Variants in GRAMD1B observed in about 807,000 individuals in gnomAD.
The protein encoded by GRAMD1B is GRAM domain containing 1B, also known as protein Aster-B.
GRAMD1B carries 37 observed loss-of-function variants against 99.7 expected under a neutral mutation model. The observed-to-expected ratio is 0.37, with a 90% CI of 0.29 to 0.49. The LOEUF is 0.49. Among genes scored for constraint, GRAMD1B ranks in the 20% least tolerant of loss-of-function variants. The pLI is 0.98. For missense variants in GRAMD1B, 888 were observed against 1,009.2 expected, an observed-to-expected ratio of 0.88 and a Z score of 1.63; for synonymous variants, 427 against 387.6, an observed-to-expected ratio of 1.10 and a Z score of -1.19.
chr11:123,424,265 A>AG (rs1300138571), intron 1 of GRAMD1B, among the ~76,000 whole-genome samples: 93 of 151,766 alleles, frequency 6.1e-4, no homozygotes, highest in African/African-American at 2.1e-3. Context: ...AAAAAAAAAA[A>AG]AAAAAGAAAA....
At chr11:123,577,902 G>T (rs977074294) in intron 3 of GRAMD1B, among the ~76,000 whole-genome samples, 1 of 152,058 alleles carries the variant, frequency 6.6e-6, no homozygotes, top group Non-Finnish European at 1.5e-5. Context: ...GGTTCCTAGA[G>T]CCGGGGTAGA....
At chr11:123,584,272 C>A in intron 3 of GRAMD1B, 40 bp from the exon 4 acceptor site, 1 of 984,762 alleles carries the variant, frequency 1.0e-6, no homozygotes. Flanking sequence ...CCATTTCTTC[C>A]CTGACTAATT....
intron 19 of GRAMD1B, 162 bp downstream of exon 19, chr11:123,619,386 T>C: frequency 2.7e-6 from 4 of 1,495,256 alleles, no homozygotes; most frequent in Non-Finnish European, 3.6e-6. Context: ...AAAGCCTTCC[T>C]TGAGTGGGCT....
intron 3 of GRAMD1B, among the ~76,000 whole-genome samples, chr11:123,578,969 G>A (rs1388701947): frequency 6.6e-6 from 1 of 152,156 alleles, no homozygotes; most frequent in African/African-American, 2.4e-5. Flanking sequence ...CTCCCCACTC[G>A]AGAGCTGCTC....
intron 2 of GRAMD1B, among the ~76,000 whole-genome samples, chr11:123,531,310 A>G (rs1428132025): frequency 6.6e-6 from 1 of 152,214 alleles, no homozygotes; most frequent in Non-Finnish European, 1.5e-5. Context: ...CTGACTCTAC[A>G]GATTTCTTAA....
chr11:123,378,605 A>G (rs989381709), intron 1 of GRAMD1B, among the ~76,000 whole-genome samples: 1 of 152,226 alleles, frequency 6.6e-6, no homozygotes, highest in South Asian at 2.1e-4. Flanking sequence ...GTGCCTCCCC[A>G]AGGATATAGC....
At chr11:123,509,311 G>A (rs1173184205) in intron 2 of GRAMD1B, among the ~76,000 whole-genome samples, 7 of 152,316 alleles carry the variant, frequency 4.6e-5, no homozygotes, top group South Asian at 2.1e-4. Flanking sequence ...TGAAGGAACC[G>A]ACGTCCCTAA....
intron 1 of GRAMD1B, among the ~76,000 whole-genome samples, chr11:123,373,632 G>C (rs868770959): frequency 6.6e-6 from 1 of 152,160 alleles, no homozygotes; most frequent in South Asian, 2.1e-4. Context: ...AATCTCCAAG[G>C]TGTATGTATG....
chr11:123,375,091 A>T (rs945588693), intron 1 of GRAMD1B, among the ~76,000 whole-genome samples: 2 of 152,226 alleles, frequency 1.3e-5, no homozygotes, highest in African/African-American at 4.8e-5. Flanking sequence ...ATCTCACTTA[A>T]CTTACAACAT....
Position 123,610,282 on chromosome 11 carries a change from C to G in GRAMD1B, c.1863C>G (p.Phe621Leu). 1 of 1,613,860 alleles carries G rather than the reference C, an allele frequency of 6.2e-7. No homozygotes were observed. Among genetic ancestry groups the G allele is most frequent in the Non-Finnish European group, 8.5e-7 (1 of 1,179,798 alleles). The change falls in exon 14 of 20, where the codon TTC becomes TTG. Residue 621 changes from phenylalanine (F) to leucine (L), a missense_variant. Physicochemically the swap from Phe to Leu is conservative, Grantham distance 22. Transcript: ENST00000635736. The surrounding 1 kb of genome is among the most constrained non-coding windows in gnomAD (Gnocchi z 4.1). The stretch of plus-strand genomic sequence containing the variant: ...ACGACGTGCCCTACCATGACTACTT[C>G]TACACAATCAATCGCTACACGCTCA... ...LTHDVPYHDYFYTINRYTLTR... is the reference protein window; with the variant it reads ...LTHDVPYHDYLYTINRYTLTR...
chr11:123,501,935 A>G (rs1939910245), intron 2 of GRAMD1B, among the ~76,000 whole-genome samples: 1 of 152,226 alleles, frequency 6.6e-6, no homozygotes, highest in Admixed American at 6.5e-5. Context: ...CCAAGCAGTG[A>G]AACAGAGCTG....
chr11:123,416,221 G>A (rs1008550028), intron 1 of GRAMD1B, among the ~76,000 whole-genome samples: 1 of 152,146 alleles, frequency 6.6e-6, no homozygotes, highest in East Asian at 1.9e-4. Context: ...GTAATGAAAG[G>A]TGTAGAAAGA....
chr11:123,619,059 G>A (rs765190006), intron 18 of GRAMD1B, 48 bp from the exon 19 acceptor site: 21 of 1,072,876 alleles, frequency 2.0e-5, no homozygotes, highest in South Asian at 1.1e-4. Flanking sequence ...AGGACAGTTC[G>A]CTGAGCATAA....
At chr11:123,582,928 C>G (rs4936832) in intron 3 of GRAMD1B, among the ~76,000 whole-genome samples, 2 of 152,028 alleles carry the variant, frequency 1.3e-5, no homozygotes, top group Non-Finnish European at 2.9e-5. Flanking sequence ...AGCTCCCCCA[C>G]CCAGCGATCC....
chr11:123,504,134 A>T (rs987387812), intron 2 of GRAMD1B, among the ~76,000 whole-genome samples: 1 of 152,168 alleles, frequency 6.6e-6, no homozygotes, highest in Non-Finnish European at 1.5e-5. Flanking sequence ...GGTCTCAGGA[A>T]TTGCTAGCAG....
chr11:123,373,005 G>GGC (rs745644729), intron 1 of GRAMD1B, among the ~76,000 whole-genome samples: 59 of 152,160 alleles, frequency 3.9e-4, no homozygotes, highest in Middle Eastern at 6.8e-3. Flanking sequence ...CAGGTGTGGT[G>GGC]GCACATACCT....
At position 123,446,553 on chromosome 11, in the gene GRAMD1B, A is replaced by C. The variant is rs1949653876; in HGVS notation, c.374+15387A>C. Among the ~76,000 whole-genome samples, 5 of 152,320 alleles carry C rather than the reference A, an allele frequency of 3.3e-5. No homozygotes were observed. The South Asian group carries it at 1.0e-3, about 32-fold the overall frequency. ...TGTCTTAGAGGTTAACAGAGAGGAC[A>C]GTCGCCTGCCCATTCAGAAAGTTCT... On this transcript the variant is annotated intron_variant, in intron 1 of 19. Coordinates refer to ENST00000635736, the MANE Select transcript of GRAMD1B (RefSeq NM_001387025.1).
upstream of GRAMD1B, among the ~76,000 whole-genome samples, chr11:123,425,693 G>GCATTT (rs1468828533): frequency 1.4e-4 from 21 of 152,168 alleles, no homozygotes; most frequent in Admixed American, 1.4e-3. Context: ...AAGTCCTGAA[G>GCATTT]CATTTTCTCC....
intron 2 of GRAMD1B, among the ~76,000 whole-genome samples, chr11:123,501,260 T>C (rs1351087813): frequency 6.6e-6 from 1 of 152,052 alleles, no homozygotes; most frequent in Non-Finnish European, 1.5e-5. Context: ...AACCTTTACC[T>C]CCTGGGTTCA....
Sources: gnomAD v4.1 joint callset for allele counts (sites outside exome capture counted in the v4.1 genomes callset) on GRCh38, gnomAD v4.1.1 for gene constraint, Gnocchi (gnomAD v3.1) non-coding constraint, MANE v1.5 for transcripts, NCBI Gene and HGNC (gene_info 2026-07-23, HGNC 2026-07-21) for gene names.